The following KIAA1217 variants were observed in gnomAD, a reference collection of about 807,000 sequenced individuals.
KIAA1217 encodes the protein KIAA1217.
A neutral mutation model predicts 163.9 loss-of-function variants in KIAA1217; 88 were observed. The observed-to-expected ratio is 0.54, with a 90% CI of 0.45 to 0.64. KIAA1217 has a LOEUF of 0.64. Among genes scored for constraint, KIAA1217 ranks in the 30% least tolerant of loss-of-function variants. The pLI, the probability that KIAA1217 is intolerant of heterozygous loss-of-function variation, is 0.00. For missense variants in KIAA1217, 2,372 were observed against 2,475.0 expected, an observed-to-expected ratio of 0.96 and a Z score of 0.88; for synonymous variants, 903 against 923.1, an observed-to-expected ratio of 0.98 and a Z score of 0.39.
At chr10:23,725,166 T>C (rs1838068321) in intron 1 of KIAA1217, among the ~76,000 whole-genome samples, 1 of 152,264 alleles carries the variant, frequency 6.6e-6, no homozygotes, top group South Asian at 2.1e-4. Context: ...ATATGGACTC[T>C]TGTCATCCTG....
chr10:24,254,327 A>G (rs1253991636), intron 2 of KIAA1217, among the ~76,000 whole-genome samples: 1 of 152,256 alleles, frequency 6.6e-6, no homozygotes, highest in African/African-American at 2.4e-5. Context: ...AAACAGCCTC[A>G]GAGAAATGCT....
At chr10:23,754,274 A>C (rs1401660212) in intron 1 of KIAA1217, among the ~76,000 whole-genome samples, 1 of 152,240 alleles carries the variant, frequency 6.6e-6, no homozygotes, top group Non-Finnish European at 1.5e-5. Context: ...AAGAGAGGAA[A>C]GGAAAGGGAC....
chr10:24,533,173 C>T lies in KIAA1217; in HGVS notation c.3350C>T (p.Thr1117Ile), dbSNP rs1433034856. 1 of 1,613,630 alleles carries T rather than the reference C, an allele frequency of 6.2e-7. No individual in the cohort carries two copies. The highest frequency in any genetic ancestry group is 2.2e-5 in the East Asian group (1 of 44,870). ...ACCCCATCCCCACCGCCTGTCACCACCTCCTCCTCAAAGGATGAGGAGGAA... is the reference window on the plus strand; with the variant it reads ...ACCCCATCCCCACCGCCTGTCACCATCTCCTCCTCAAAGGATGAGGAGGAA... ...AWTPSPPPVT[T>I]SSSKDEEEEE... The change falls in exon 16 of 21, where the codon ACC (threonine) becomes ATC (isoleucine). Residue 1117 changes from threonine (T) to isoleucine (I), a missense_variant. Around this residue, in one of 3 missense-constraint regions of KIAA1217, gnomAD observed 1,431 missense variants for 1,470.3 expected, o/e 0.97. Transcript: ENST00000376454.
At position 23,982,909 on chromosome 10, in the gene KIAA1217, T is replaced by C. The variant is rs571893772; in HGVS notation, c.-320-24316T>C. 3.0e-4 allele frequency among the ~76,000 whole-genome samples: 45 copies of C among 152,204 alleles called. No homozygotes were observed. In the East Asian group the frequency reaches 7.2e-3, roughly 24 times the overall value. On this transcript the variant is annotated intron_variant, in intron 1 of 18. Coordinates refer to the KIAA1217 transcript ENST00000376462. ...AACAACTCAAATATCTCAGGACTTA[T>C]GATATCCGGTTTATTTTTCTCACTC...
At chr10:24,296,540 A>G (rs1190144795) in intron 2 of KIAA1217, among the ~76,000 whole-genome samples, 1 of 142,138 alleles carries the variant, frequency 7.0e-6, no homozygotes, top group African/African-American at 3.1e-5. Flanking sequence ...ACTAATGAAT[A>G]AATCACATTA....
In KIAA1217 at chr10:24,495,193, G is replaced by T; in HGVS notation, c.1831G>T (p.Ala611Ser). ...TTANRNHTDSAGTPHVSGGKM... is the reference protein window; with the variant it reads ...TTANRNHTDSSGTPHVSGGKM... The stretch of plus-strand genomic sequence containing the variant: ...AGCCAACAGGAACCACACAGATAGT[G>T]CAGGTAAGTAAGTGTTTTTGGAGCT... The change falls in exon 8 of 21, where the codon GCA becomes TCA. Residue 611 changes from alanine (A) to serine (S), a missense_variant. Ala to Ser is a moderately conservative substitution (Grantham distance 99). Transcript: ENST00000376454. The T allele has an allele frequency of 6.2e-7, 1 of 1,612,446 alleles. No individual in the cohort carries two copies. The highest frequency in any genetic ancestry group is 2.2e-5 in the East Asian group (1 of 44,828).
chr10:24,094,039 CCAGTCTATCATTGTTGGA>C (rs547668644), intron 2 of KIAA1217, among the ~76,000 whole-genome samples: 234 of 151,934 alleles, frequency 1.5e-3, no homozygotes, highest in African/African-American at 5.5e-3. Context: ...TTTTCTTAAT[CCAGTCTATCATTGTTGGA>C]CATTTGGGTT....
intron 5 of KIAA1217, among the ~76,000 whole-genome samples, chr10:24,467,786 G>A (rs1016564725): frequency 8.8e-5 from 13 of 147,974 alleles, no homozygotes; most frequent in Admixed American, 2.0e-4. Flanking sequence ...ATGGCAACTC[G>A]TATGTGTGTA....
intron 1 of KIAA1217, among the ~76,000 whole-genome samples, chr10:23,746,297 G>A (rs1839413075): frequency 6.6e-6 from 1 of 152,182 alleles, no homozygotes; most frequent in Admixed American, 6.5e-5. Flanking sequence ...AGCCATGAGT[G>A]GAAGCAGCTG....
chr10:23,704,146 A>ATGTATGTGTGTGTGTGTG lies in KIAA1217; in HGVS notation c.-321+8915_-321+8916insATGTGTGTGTGTGTGTGT, dbSNP rs1400240204. 1.1e-3 allele frequency among the ~76,000 whole-genome samples: 71 copies of ATGTATGTGTGTGTGTGTG among 64,862 alleles called. 6 individuals carry two copies. Among genetic ancestry groups the ATGTATGTGTGTGTGTGTG allele is most frequent in the African/African-American group, 4.5e-3 (54 of 12,118 alleles). The allele number at this position is 64,862 out of a possible 152,430, so 42.6% of individuals were successfully genotyped here. On this transcript the variant is annotated intron_variant, in intron 1 of 18. Transcript: ENST00000376462. ...CATATATGCATGTATGTGTGTGTGT[A>ATGTATGTGTGTGTGTGTG]TGTGTGTGTGTGTGTGTGTGTGTGT...
At chr10:24,443,660 A>G (rs1277174027) in intron 5 of KIAA1217, among the ~76,000 whole-genome samples, 1 of 152,194 alleles carries the variant, frequency 6.6e-6, no homozygotes, top group Non-Finnish European at 1.5e-5. Flanking sequence ...TTTGAGAAGA[A>G]CAAAGCAACT....
chr10:24,535,017 A>C (rs1268225582), intron 16 of KIAA1217, among the ~76,000 whole-genome samples: 3 of 152,174 alleles, frequency 2.0e-5, no homozygotes, highest in Non-Finnish European at 4.4e-5. Context: ...AGTGGCCATA[A>C]TGATTCTCTT....
chr10:23,808,082 G>A (rs941991266), intron 1 of KIAA1217, among the ~76,000 whole-genome samples: 1 of 152,228 alleles, frequency 6.6e-6, no homozygotes, highest in African/African-American at 2.4e-5. Flanking sequence ...TATTGCCACT[G>A]CAGATGTAAG....
chr10:23,766,102 T>C (rs1462694980), intron 1 of KIAA1217, among the ~76,000 whole-genome samples: 7 of 152,236 alleles, frequency 4.6e-5, no homozygotes, highest in Admixed American at 2.6e-4. Flanking sequence ...GATTTTAATA[T>C]TCTTCTTCTC....
intron 2 of KIAA1217, among the ~76,000 whole-genome samples, chr10:24,335,014 A>G (rs931730828): frequency 6.6e-6 from 1 of 152,238 alleles, no homozygotes; most frequent in African/African-American, 2.4e-5. Flanking sequence ...AATAGTTGCC[A>G]AAAAGTAGAA....
At chr10:24,106,728 G>T (rs759505674) in intron 2 of KIAA1217, among the ~76,000 whole-genome samples, 1 of 152,134 alleles carries the variant, frequency 6.6e-6, no homozygotes, top group Non-Finnish European at 1.5e-5. Flanking sequence ...ACAGCAGAAT[G>T]CATCTCAACT....
intron 2 of KIAA1217, among the ~76,000 whole-genome samples, chr10:24,366,616 A>T (rs113670627): frequency 4.9e-4 from 74 of 150,912 alleles, no homozygotes; most frequent in African/African-American, 1.7e-3. Flanking sequence ...TCCTGCATGT[A>T]TTCACCTTGG....
At chr10:24,228,848 G>C (rs903673751) in intron 2 of KIAA1217, among the ~76,000 whole-genome samples, 1 of 152,132 alleles carries the variant, frequency 6.6e-6, no homozygotes, top group Non-Finnish European at 1.5e-5. Flanking sequence ...GTACAATGAC[G>C]TCATTGGCAT....
chr10:24,059,137 T>C (rs1438790191), intron 2 of KIAA1217, among the ~76,000 whole-genome samples: 2 of 152,236 alleles, frequency 1.3e-5, no homozygotes, highest in Non-Finnish European at 2.9e-5. Flanking sequence ...GAGATGAGCA[T>C]GTGATTTTTA....
Sources: allele counts gnomAD v4.1 joint callset (sites outside exome capture counted in the v4.1 genomes callset), GRCh38; gene constraint gnomAD v4.1.1; regional missense constraint gnomAD v4.1.1; transcripts MANE v1.5; gene names NCBI Gene and HGNC (gene_info 2026-07-23, HGNC 2026-07-21).